Variants in INSRR observed in about 807,000 individuals in gnomAD.
INSRR encodes the protein insulin receptor-related protein.
A neutral mutation model predicts 130.0 loss-of-function variants in INSRR; 114 were observed. The ratio of observed to expected loss-of-function variants is 0.88; its 90% CI spans 0.75 to 1.02. INSRR has a LOEUF of 1.02. INSRR is among the 50% of genes least tolerant of loss of function. The pLI is 0.00. For missense variants in INSRR, 1,657 were observed against 1,735.2 expected (o/e 0.95, Z 0.80); for synonymous variants, 674 against 705.2 (o/e 0.96, Z 0.70).
intron 6 of INSRR, 66 bp from the exon 7 acceptor site, chr1:156,849,113 C>G: frequency 6.3e-7 from 1 of 1,597,298 alleles, no homozygotes; most frequent in Non-Finnish European, 8.5e-7. Context: ...ACCCTGACCC[C>G]GCGGCATCCC....
In INSRR at chr1:156,854,519, C is replaced by A. The variant is rs1655343619; in HGVS notation, c.86-216G>T. On this transcript the variant is annotated intron_variant, in intron 1 of 21. Coordinates refer to ENST00000368195, the MANE Select transcript of INSRR (RefSeq NM_014215.3). The surrounding 1 kb of genome is among the most constrained non-coding windows in gnomAD (Gnocchi z 4.2). ...GATGAGCCACACAGGCAAAAATGAA[C>A]TCCTGATCCTCTCTCCCAAGCCCAT... Among the ~76,000 whole-genome samples, 1 of 152,168 alleles carries A rather than the reference C, an allele frequency of 6.6e-6. No individual in the cohort carries two copies.
chr1:156,854,108 A>C lies in INSRR; in HGVS notation c.281T>G (p.Leu94Arg), dbSNP rs1292330077. The C allele has an allele frequency of 6.2e-7, 1 of 1,614,002 alleles. No homozygotes were observed. Among genetic ancestry groups the C allele is most frequent in the East Asian group, 2.2e-5 (1 of 44,898 alleles). The change falls in exon 2 of 22, where the codon CTG becomes CGG. Residue 94 changes from leucine (L) to arginine (R), a missense_variant. Physicochemically the swap from Leu to Arg is moderately radical, Grantham distance 102. Transcript: ENST00000368195. This position sits in a 1 kb window ranked among gnomAD's most constrained non-coding sequence, Gnocchi z 4.2. ...TGCTAGGTTGGGGAAGAGGTCGCGCAGGCTCTCCAGTCCGTAGACACGGAA... is the reference window on the plus strand; with the variant it reads ...TGCTAGGTTGGGGAAGAGGTCGCGCCGGCTCTCCAGTCCGTAGACACGGAA... ...LLFRVYGLESLRDLFPNLAVI... is the reference protein window; with the variant it reads ...LLFRVYGLESRRDLFPNLAVI...
rs1558085944 is a variant in INSRR, at chr1:156,845,281, G to A, written c.2232C>T (p.His744=). ...NKSPQRDSGR[H]RRAAGPLRLG... ...GCCGGAGGGGCCCAGCTGCCCGGCG[G>A]TGCCGCCCTGAGTCCCTGGGGAGAG... Residue 744 remains histidine (H), a synonymous_variant, in exon 12 of 22, where the codon CAC becomes CAT. Coordinates refer to ENST00000368195, the MANE Select transcript of INSRR (RefSeq NM_014215.3). 1 of 1,612,530 alleles carries A rather than the reference G, an allele frequency of 6.2e-7. No individual in the cohort carries two copies. The highest frequency in any genetic ancestry group is 1.1e-5 in the South Asian group (1 of 90,910).
In INSRR at chr1:156,842,368, TTCACTCC is replaced by T. The variant is rs1325064337; in HGVS notation, c.3237+23_3237+29del. 1.9e-6 allele frequency: 3 copies of T among 1,613,088 alleles called. No homozygotes were observed. In the South Asian group the frequency reaches 3.3e-5, roughly 18 times the overall value. On this transcript the variant is annotated intron_variant, in intron 18 of 21. Coordinates refer to ENST00000368195, the MANE Select transcript of INSRR (RefSeq NM_014215.3). ...CTCCCACACTGTGCCCAACCCTTCT[TTCACTCC>T]CCAGGGTCTTCCTGGTCCCTACCTC... is the stretch of plus-strand genomic sequence containing the variant.
In INSRR at chr1:156,842,229, G is replaced by A; in HGVS notation, c.3280C>T (p.Gln1094Ter). 1 of 1,614,020 alleles carries A rather than the reference G, an allele frequency of 6.2e-7. No individual in the cohort carries two copies. The highest frequency in any genetic ancestry group is 1.3e-5 in the African/African-American group (1 of 75,008). Reference sequence around the variant, plus strand: ...CCGTCTGCAATCTCACCAGCCATTTGGATCATTTCCCCCAATGCTGGCTGT... The same window carrying A: ...CCGTCTGCAATCTCACCAGCCATTTAGATCATTTCCCCCAATGCTGGCTGT... ...LPQPALGEMIQMAGEIADGMA... is the reference protein window; with the variant it reads ...LPQPALGEMI The change falls in exon 19 of 22, where the codon CAA (glutamine) becomes TAA (stop). Residue 1094 changes from glutamine to a stop codon, truncating the protein, a stop_gained. Transcript: ENST00000368195. LOFTEE classifies it high-confidence loss of function.
chr1:156,849,379 C>T lies in INSRR; in HGVS notation c.1311G>A (p.Val437=), dbSNP rs371482516. 6.2e-7 allele frequency: 1 copy of T among 1,613,602 alleles called. No homozygotes were observed. The highest frequency in any genetic ancestry group is 1.3e-5 in the African/African-American group (1 of 74,712). Residue 437 remains valine, a synonymous_variant, in exon 6 of 22, where the codon GTG becomes GTA. Coordinates refer to ENST00000368195, the MANE Select transcript of INSRR (RefSeq NM_014215.3). ...GGTTGAAGGCGAAGTAGATCTTGCC[C>T]ACGGGAATGGTGAGCCCCGCGGCCA... is the stretch of plus-strand genomic sequence containing the variant. ...SWVAAGLTIP[V]GKIYFAFNPR...
At chr1:156,851,846 C>T in intron 3 of INSRR, 42 bp downstream of exon 3, 1 of 1,576,688 alleles carries the variant, frequency 6.3e-7, no homozygotes. Context: ...CCTCAGGCCT[C>T]CTCACTGCTC....
intron 15 of INSRR, among the ~76,000 whole-genome samples, chr1:156,843,739 C>T (rs150261117): frequency 3.3e-5 from 5 of 152,368 alleles, no homozygotes; most frequent in East Asian, 1.9e-4. Context: ...CCAAGCTGAT[C>T]GAGGTCCAGC....
chr1:156,845,556 C>CCA, intron 10 of INSRR, 63 bp downstream of exon 10: 1 of 1,442,846 alleles, frequency 6.9e-7, no homozygotes, highest in Non-Finnish European at 9.3e-7. Flanking sequence ...ACCCCTCCCG[C>CCA]AAGACCCGCC....
chr1:156,845,289 C>T lies in INSRR; in HGVS notation c.2224G>A (p.Gly742Arg), dbSNP rs778805206. 6.2e-7 allele frequency: 1 copy of T among 1,612,778 alleles called. No individual in the cohort carries two copies. Among genetic ancestry groups the T allele is most frequent in the African/African-American group, 1.3e-5 (1 of 74,936 alleles). Residue 742 changes from glycine (G) to arginine (R), a missense_variant, in exon 12 of 22, where the codon GGG becomes AGG. By Grantham distance (125) the Gly-to-Arg change is moderately radical (BLOSUM62 -2). Coordinates refer to ENST00000368195, the MANE Select transcript of INSRR (RefSeq NM_014215.3). The stretch of plus-strand genomic sequence containing the variant: ...GGCCCAGCTGCCCGGCGGTGCCGCC[C>T]TGAGTCCCTGGGGAGAGCGAGTCAG... The part of the protein sequence containing the change: ...SINKSPQRDS[G>R]RHRRAAGPLR...
At position 156,845,664 on chromosome 1, in the gene INSRR, T is replaced by C. The variant is rs1571661369; in HGVS notation, c.2129A>G (p.Gln710Arg). The change falls in exon 10 of 22, where the codon CAG becomes CGG. Residue 710 changes from glutamine (Q) to arginine (R), a missense_variant. Gln to Arg is a conservative substitution (Grantham distance 43). Transcript: ENST00000368195. ...PPLEAQEASF[Q>R]KKFENFLHNA... ...GTGTAGAAAGTTTTCAAACTTCTTC[T>C]GGAACGAGGCCTCTTGCGCCTCCAG... 6.2e-7 allele frequency: 1 copy of C among 1,610,576 alleles called. No homozygotes were observed. Among genetic ancestry groups the C allele is most frequent in the Non-Finnish European group, 8.5e-7 (1 of 1,178,926 alleles).
intron 1 of INSRR, among the ~76,000 whole-genome samples, chr1:156,856,105 G>C (rs1314201897): frequency 2.0e-5 from 3 of 151,732 alleles, no homozygotes; most frequent in African/African-American, 7.3e-5. Flanking sequence ...TATCATGCGT[G>C]GCCATATATT....
In INSRR at chr1:156,840,610, A is replaced by C; in HGVS notation, c.*263T>G. 1.9e-6 allele frequency: 1 copy of C among 526,372 alleles called. No homozygotes were observed. Among genetic ancestry groups the C allele is most frequent in the Admixed American group, 3.2e-5 (1 of 31,208 alleles). 32.6% of individuals were successfully genotyped at this position (526,372 alleles called of 1,614,324 possible). On this transcript the variant is annotated 3_prime_UTR_variant, in exon 22 of 22. Coordinates refer to ENST00000368195, the MANE Select transcript of INSRR (RefSeq NM_014215.3). ...GAGTGGGGTCCCTACCTCTGAGGGC[A>C]GGACATCTCTCCCTGACCTGATCTC... is the stretch of plus-strand genomic sequence containing the variant.
At chr1:156,843,892 G>A (rs1002904430) in intron 15 of INSRR, among the ~76,000 whole-genome samples, 1 of 152,236 alleles carries the variant, frequency 6.6e-6, no homozygotes, top group African/African-American at 2.4e-5. Flanking sequence ...ACACCTGACA[G>A]GTGGTGTGAG....
rs760160773 is a variant in INSRR at position 156,845,267 on chromosome 1, C to T, written c.2246G>A (p.Gly749Glu). ...RDSGRHRRAA[G>E]PLRLGGNSSD... is the part of the protein sequence containing the mutation. ...GCTGTTGCCCCCCAGCCGGAGGGGCCCAGCTGCCCGGCGGTGCCGCCCTGA... is the reference window on the plus strand; with the variant it reads ...GCTGTTGCCCCCCAGCCGGAGGGGCTCAGCTGCCCGGCGGTGCCGCCCTGA... The change falls in exon 12 of 22, where the codon GGG (glycine) becomes GAG (glutamate). Residue 749 changes from glycine (G) to glutamate (E), a missense_variant. Transcript: ENST00000368195. The T allele has an allele frequency of 6.2e-7, 1 of 1,612,168 alleles. No homozygotes were observed. The highest frequency in any genetic ancestry group is 2.2e-5 in the East Asian group (1 of 44,824).
chr1:156,844,047 G>A (rs1361300915), intron 15 of INSRR, 128 bp downstream of exon 15: 4 of 676,762 alleles, frequency 5.9e-6, no homozygotes, highest in Admixed American at 2.7e-5. Context: ...CTGTGCCACC[G>A]CAGGGGAAGA....
chr1:156,851,568 T>C, intron 4 of INSRR, 78 bp downstream of exon 4: 3 of 1,609,742 alleles, frequency 1.9e-6, no homozygotes, highest in Non-Finnish European at 2.6e-6. Context: ...TTGTGCTGAG[T>C]TGGGTCATTG....
chr1:156,855,640 T>C (rs1049222660), intron 1 of INSRR, among the ~76,000 whole-genome samples: 1 of 151,956 alleles, frequency 6.6e-6, no homozygotes, highest in African/African-American at 2.4e-5. Context: ...CTGGGCAACA[T>C]GGCAAAACCC....
In INSRR at chr1:156,841,415, A is replaced by G. The variant is rs1654776069; in HGVS notation, c.3641T>C (p.Leu1214Pro). The G allele has an allele frequency of 1.2e-6, 2 of 1,613,772 alleles. No homozygotes were observed. The highest frequency in any genetic ancestry group is 2.7e-5 in the African/African-American group (2 of 74,856). ...TCACAGCTGAAGGGGACAGCCCTCC[A>G]GCTCCTCCAGGACCCCGCCATCCAT... Reference protein sequence around the residue: ...FVMDGGVLEELEGCPLQLQEL... With the variant: ...FVMDGGVLEEPEGCPLQLQEL... Residue 1214 changes from leucine (L) to proline (P), a missense_variant, in exon 21 of 22, where the codon CTG becomes CCG. Coordinates refer to ENST00000368195, the MANE Select transcript of INSRR (RefSeq NM_014215.3).
Sources: allele counts gnomAD v4.1 joint callset (sites outside exome capture counted in the v4.1 genomes callset), GRCh38; gene constraint gnomAD v4.1.1; non-coding constraint Gnocchi (gnomAD v3.1); transcripts MANE v1.5; gene names NCBI Gene and HGNC (gene_info 2026-07-23, HGNC 2026-07-21).